The following ABCB5 variants were observed in gnomAD, a reference collection of about 807,000 sequenced individuals.
ABCB5 encodes the protein ATP-binding cassette sub-family B member 5.
A neutral mutation model predicts 144.2 loss-of-function variants in ABCB5; 155 were observed. The ratio of observed to expected loss-of-function variants is 1.08; its 90% CI spans 0.94 to 1.23. ABCB5 has a LOEUF of 1.23. Among genes scored for constraint, ABCB5 ranks in the 50% most tolerant of loss-of-function variants. The pLI, the probability that ABCB5 is intolerant of heterozygous loss-of-function variation, is 0.00. For missense variants in ABCB5, 1,830 were observed against 1,520.8 expected (o/e 1.20, Z -3.38); for synonymous variants, 610 against 528.6 (o/e 1.15, Z -2.11).
chr7:20,674,209 C>T (rs1408832502), intron 14 of ABCB5, among the ~76,000 whole-genome samples: 5 of 151,844 alleles, frequency 3.3e-5, no homozygotes, highest in Admixed American at 1.3e-4. Context: ...CCATGCACTA[C>T]GGAGTTACAA....
intron 14 of ABCB5, among the ~76,000 whole-genome samples, chr7:20,669,073 T>C (rs867904629): frequency 0.11 from 12,642 of 116,550 alleles, no homozygotes; most frequent in Non-Finnish European, 0.13. Context: ...CCCCTCTGCC[T>C]GGCCAGCCGC....
chr7:20,737,909 A>T (rs528264079), intron 23 of ABCB5, among the ~76,000 whole-genome samples: 37 of 152,294 alleles, frequency 2.4e-4, no homozygotes, highest in African/African-American at 8.4e-4. Context: ...ACTAAATAAC[A>T]ATTATTTTAG....
At chr7:20,700,918 C>CT (rs1231336734) in intron 19 of ABCB5, among the ~76,000 whole-genome samples, 1 of 152,184 alleles carries the variant, frequency 6.6e-6, no homozygotes, top group Non-Finnish European at 1.5e-5. Context: ...GTCACTCCAA[C>CT]TGAGTCGTCA....
In ABCB5 at chr7:20,648,150, C is replaced by T. The variant is rs576669590; in HGVS notation, c.1206+72C>T. ...TTCTACTGGCCAAGATCTTCTCTGA[C>T]ATGATTACTTAGGATCACTTTTTTC... On this transcript the variant is annotated intron_variant, in intron 11 of 27. Transcript: ENST00000404938. The T allele has an allele frequency of 2.4e-5, 22 of 935,626 alleles. No homozygotes were observed. In the South Asian group the frequency reaches 3.4e-4, roughly 14 times the overall value. The allele number at this position is 935,626 out of a possible 1,614,324, so 58.0% of individuals were successfully genotyped here. A position where few individuals can be genotyped will look rare whatever the true frequency, so the allele number is the denominator to read the frequency against.
In ABCB5 at chr7:20,710,419, A is replaced by C. The variant is rs1299022095; in HGVS notation, c.2421+5612A>C. On this transcript the variant is annotated intron_variant, in intron 20 of 27. Transcript: ENST00000404938. ...CATGACTGTGTTTCAATAAAACTTT[A>C]TTTACAGACACTGAAATTTGAATTG... Among the ~76,000 whole-genome samples the C allele has an allele frequency of 1.5e-5, 2 of 136,968 alleles. 1 individual carries two copies. Among genetic ancestry groups the C allele is most frequent in the Non-Finnish European group, 3.1e-5 (2 of 63,940 alleles). The allele number at this position is 136,968 out of a possible 152,430, so 89.9% of individuals were successfully genotyped here.
At chr7:20,626,673 A>C in intron 3 of ABCB5, 62 bp downstream of exon 3, 1 of 1,345,810 alleles carries the variant, frequency 7.4e-7, no homozygotes, top group Non-Finnish European at 1.0e-6. Flanking sequence ...TCAGTAGTGC[A>C]TAGAAGATTG....
At chr7:20,686,447 A>G (rs1446154538) in intron 16 of ABCB5, among the ~76,000 whole-genome samples, 1 of 151,938 alleles carries the variant, frequency 6.6e-6, no homozygotes, top group Admixed American at 6.6e-5. Context: ...TTCTGTCTCA[A>G]TTCCACTTTC....
intron 4 of ABCB5, 27 bp downstream of exon 4, chr7:20,628,865 C>T: frequency 6.2e-7 from 1 of 1,608,778 alleles, no homozygotes; most frequent in Non-Finnish European, 8.5e-7. Context: ...TTTTCTGTAT[C>T]ACTTAAGACA....
chr7:20,690,847 C>T (rs1431803246), intron 16 of ABCB5, among the ~76,000 whole-genome samples: 9 of 151,894 alleles, frequency 5.9e-5, no homozygotes, highest in Non-Finnish European at 7.4e-5. Context: ...ATCATAGACA[C>T]CAAAAAAGAA....
At chr7:20,723,617 C>G (rs768541969) in intron 21 of ABCB5, among the ~76,000 whole-genome samples, 1 of 152,130 alleles carries the variant, frequency 6.6e-6, no homozygotes, top group African/African-American at 2.4e-5. Context: ...TGTTATTATA[C>G]GCAAAACACT....
chr7:20,738,700 G>C (rs1439871938), intron 23 of ABCB5, among the ~76,000 whole-genome samples: 1 of 152,186 alleles, frequency 6.6e-6, no homozygotes, highest in African/African-American at 2.4e-5. Flanking sequence ...TGACTAAGAA[G>C]TTTTATATTC....
At chr7:20,747,324 G>A (rs998999819) in intron 26 of ABCB5, among the ~76,000 whole-genome samples, 3 of 152,176 alleles carry the variant, frequency 2.0e-5, no homozygotes, top group Non-Finnish European at 4.4e-5. Flanking sequence ...AGGCTGCAGT[G>A]CAGTGGTGTG....
At position 20,749,338 on chromosome 7, in the gene ABCB5, C is replaced by T. The variant is rs575786302; in HGVS notation, c.3429+3900C>T. Among the ~76,000 whole-genome samples the T allele has an allele frequency of 5.6e-4, 85 of 151,198 alleles. 1 individual carries two copies. The East Asian group carries it at 0.015, about 26-fold the overall frequency. On this transcript the variant is annotated intron_variant, in intron 26 of 27. Transcript: ENST00000404938. ...GACCTCCTGGGCTCAAGTGTTCCTCCCACCTCACCCTCCCCGGGAGCTGCG... is the reference window on the plus strand; with the variant it reads ...GACCTCCTGGGCTCAAGTGTTCCTCTCACCTCACCCTCCCCGGGAGCTGCG...
In ABCB5 at chr7:20,659,583, G is replaced by A. The variant is rs557345284; in HGVS notation, c.1707+907G>A. 134 of 994,774 alleles carry A rather than the reference G, an allele frequency of 1.3e-4. No homozygotes were observed. The African/African-American group carries it at 2.2e-3, about 16-fold the overall frequency. The allele number at this position is 994,774 out of a possible 1,614,324, so 61.6% of individuals were successfully genotyped here. On this transcript the variant is annotated intron_variant, in intron 14 of 27. Transcript: ENST00000404938. ...CCCTCCCATAATAACAATGCCACAT[G>A]TTGCTTGTGTGATAAATAATCTTTG...
At chr7:20,657,793 T>A (rs929863669) in intron 13 of ABCB5, among the ~76,000 whole-genome samples, 3 of 152,190 alleles carry the variant, frequency 2.0e-5, no homozygotes, top group African/African-American at 7.2e-5. Flanking sequence ...GCCTGATTTT[T>A]TAAATGTGAA....
At position 20,724,252 on chromosome 7, in the gene ABCB5, C is replaced by T. The variant is rs578007523; in HGVS notation, c.2625+1033C>T. On this transcript the variant is annotated intron_variant, in intron 21 of 27. Transcript: ENST00000404938. ...CTTCTATCTTACTCTTCTTGGCTTT[C>T]ATCTTGGTAGAGGTCCAAAATCTGT... Among the ~76,000 whole-genome samples the T allele has an allele frequency of 7.2e-5, 11 of 151,798 alleles. No individual in the cohort carries two copies. In the South Asian group the frequency reaches 2.3e-3, roughly 32 times the overall value.
rs144121847 is a variant in ABCB5 at position 20,644,943 on chromosome 7, A to G, written c.679-813A>G. On this transcript the variant is annotated intron_variant, in intron 7 of 27. Transcript: ENST00000404938. ...TATTTGAAATGAGGAAGGAAATCTC[A>G]GTAGAAAGATTGCCTGCAGTAAGTT... 1.8e-3 allele frequency among the ~76,000 whole-genome samples: 277 copies of G among 152,350 alleles called. 1 individual carries two copies. The highest frequency in any genetic ancestry group is 6.4e-3 in the African/African-American group (267 of 41,584).
In ABCB5 at chr7:20,755,570, C is replaced by T. The variant is rs1236789637; in HGVS notation, c.3720C>T (p.Leu1240=). ...AGGAACAAGGAACTCATCAAGAGCT[C>T]CTGAGAAATCGAGACATATATTTTA... ...KIKEQGTHQE[L]LRNRDIYFKL... Residue 1240 remains leucine (L), a synonymous_variant, in exon 28 of 28, where the codon CTC becomes CTT. Transcript: ENST00000404938. 1 of 1,614,148 alleles carries T rather than the reference C, an allele frequency of 6.2e-7. No homozygotes were observed. The highest frequency in any genetic ancestry group is 1.7e-5 in the Admixed American group (1 of 60,018).
chr7:20,748,689 T>C (rs965122892), intron 26 of ABCB5, among the ~76,000 whole-genome samples: 2 of 151,272 alleles, frequency 1.3e-5, no homozygotes, highest in African/African-American at 4.9e-5. Context: ...GGGAATTAAT[T>C]TTTTCTTGAG....
Sources: gnomAD v4.1 joint callset for allele counts (sites outside exome capture counted in the v4.1 genomes callset) on GRCh38, gnomAD v4.1.1 for gene constraint, MANE v1.5 for transcripts, NCBI Gene and HGNC (gene_info 2026-07-23, HGNC 2026-07-21) for gene names.